The following CTDSPL2 variants were observed in gnomAD, a reference collection of about 807,000 sequenced individuals.
CTDSPL2 encodes CTD small phosphatase like 2, also known as CTD small phosphatase-like protein 2.
In CTDSPL2, 5 loss-of-function variants were observed where a neutral mutation model predicts 60.0. The observed-to-expected ratio is 0.08, with a 90% CI of 0.04 to 0.18. The LOEUF is 0.18. CTDSPL2 is among the 10% of genes least tolerant of loss of function. CTDSPL2 has a pLI of 1.00. For missense variants in CTDSPL2, 370 were observed against 548.8 expected (o/e 0.67, Z 3.26); for synonymous variants, 186 against 189.3 (o/e 0.98, Z 0.14).
intron 1 of CTDSPL2, chr15:44,449,035 T>G (rs2080279529): frequency 9.0e-6 from 3 of 332,290 alleles, no homozygotes; most frequent in South Asian, 5.7e-5. Flanking sequence ...CAGCCAACTT[T>G]GTAATCCTGA....
At chr15:44,516,989 A>G (rs1207615446) in intron 10 of CTDSPL2, 1 of 151,878 alleles carries the variant, frequency 6.6e-6, no homozygotes, top group Non-Finnish European at 1.5e-5. Context: ...GCAGGCGCGC[A>G]TCACCACGCC....
intron 1 of CTDSPL2, among the ~76,000 whole-genome samples, chr15:44,456,664 A>C (rs141643491): frequency 8.0e-4 from 121 of 151,458 alleles, no homozygotes; most frequent in African/African-American, 2.6e-3. Context: ...GCGTCCTGTC[A>C]ATTTTGTTAA....
chr15:44,433,103 T>G (rs977058431), intron 1 of CTDSPL2, among the ~76,000 whole-genome samples: 5 of 151,522 alleles, frequency 3.3e-5, no homozygotes, highest in Non-Finnish European at 5.9e-5. Flanking sequence ...TCCCCTGAGC[T>G]TAGGAGTTCG....
intron 1 of CTDSPL2, among the ~76,000 whole-genome samples, chr15:44,434,224 A>G (rs2079926483): frequency 6.6e-6 from 1 of 151,970 alleles, no homozygotes; most frequent in African/African-American, 2.4e-5. Flanking sequence ...ACATGGCGAA[A>G]CCCCATCTCT....
At chr15:44,504,005 C>G (rs2081418469) in intron 8 of CTDSPL2, 2 of 152,206 alleles carry the variant, frequency 1.3e-5, no homozygotes, top group Non-Finnish European at 2.9e-5. Flanking sequence ...CCCATTCTTT[C>G]AGTTTTCTTG....
chr15:44,444,081 GT>G (rs1413613533), intron 1 of CTDSPL2, among the ~76,000 whole-genome samples: 1 of 151,614 alleles, frequency 6.6e-6, no homozygotes, highest in Non-Finnish European at 1.5e-5. Flanking sequence ...AATTTTTTTA[GT>G]TTTTTAGGGA....
intron 1 of CTDSPL2, among the ~76,000 whole-genome samples, chr15:44,442,004 C>T (rs533852339): frequency 1.3e-5 from 2 of 152,248 alleles, no homozygotes; most frequent in South Asian, 4.1e-4. Flanking sequence ...CCCCAATTAG[C>T]GCTGGATTGC....
At chr15:44,449,803 C>T (rs1227938127) in intron 1 of CTDSPL2, among the ~76,000 whole-genome samples, 1 of 151,926 alleles carries the variant, frequency 6.6e-6, no homozygotes, top group East Asian at 1.9e-4. Context: ...CCAGCCTGGC[C>T]AACATGGCAA....
At chr15:44,503,871 A>G in intron 8 of CTDSPL2, 1 of 152,358 alleles carries the variant, frequency 6.6e-6, no homozygotes, top group Non-Finnish European at 1.5e-5. Context: ...AAGGACAGAT[A>G]GGATCCCTGT....
intron 2 of CTDSPL2, among the ~76,000 whole-genome samples, chr15:44,475,585 GC>G (rs1400412906): frequency 6.7e-6 from 1 of 150,176 alleles, no homozygotes; most frequent in Non-Finnish European, 1.5e-5. Context: ...TTTGCAGTGA[GC>G]TGAGATCATG....
At chr15:44,498,542 T>G (rs1256844040) in intron 7 of CTDSPL2, among the ~76,000 whole-genome samples, 2 of 152,078 alleles carry the variant, frequency 1.3e-5, no homozygotes, top group Non-Finnish European at 2.9e-5. Flanking sequence ...GCTACAATTG[T>G]GCCACTGCAT....
chr15:44,489,097 C>A (rs998580966), intron 4 of CTDSPL2, among the ~76,000 whole-genome samples: 1 of 152,068 alleles, frequency 6.6e-6, no homozygotes, highest in African/African-American at 2.4e-5. Context: ...CCCATACACA[C>A]ACAACCTCTC....
chr15:44,455,428 A>G (rs924241532), intron 1 of CTDSPL2, among the ~76,000 whole-genome samples: 9 of 152,148 alleles, frequency 5.9e-5, no homozygotes, highest in African/African-American at 2.2e-4. Context: ...CTCCTGCCTT[A>G]TTGCCCTGTC....
At chr15:44,435,357 G>T (rs1184179040) in intron 1 of CTDSPL2, among the ~76,000 whole-genome samples, 1 of 151,858 alleles carries the variant, frequency 6.6e-6, no homozygotes, top group African/African-American at 2.4e-5. Flanking sequence ...ATCACCTTAG[G>T]TCAGGAGTTC....
Position 44,526,894 on chromosome 15 carries a change from A to G in CTDSPL2, c.*2720A>G, listed in dbSNP as rs1445030844. On this transcript the variant is annotated 3_prime_UTR_variant, in exon 13 of 13. Transcript: ENST00000260327. Reference sequence around the variant, plus strand: ...GAAAGTGACCTGTATACACATTACAACTCTGGAGTACATATTAAAGTCGTG... The same window carrying G: ...GAAAGTGACCTGTATACACATTACAGCTCTGGAGTACATATTAAAGTCGTG... 2 of 152,524 alleles carry G rather than the reference A, an allele frequency of 1.3e-5. No individual in the cohort carries two copies. The highest frequency in any genetic ancestry group is 2.4e-5 in the African/African-American group (1 of 41,426). The allele number at this position is 152,524 out of a possible 1,614,324, so 9.4% of individuals were successfully genotyped here. A position where few individuals can be genotyped will look rare whatever the true frequency, so the allele number is the denominator to read the frequency against.
intron 2 of CTDSPL2, among the ~76,000 whole-genome samples, chr15:44,470,026 A>C (rs761059824): frequency 3.4e-4 from 48 of 139,962 alleles, no homozygotes; most frequent in Admixed American, 6.3e-4. Flanking sequence ...TGAACCTGGG[A>C]GGCGGAGCTT....
At chr15:44,431,716 G>GTTTTT (rs886785067) in intron 1 of CTDSPL2, among the ~76,000 whole-genome samples, 2 of 133,658 alleles carry the variant, frequency 1.5e-5, no homozygotes, top group Non-Finnish European at 3.2e-5. Context: ...TTGTTTGTTT[G>GTTTTT]TTTTTTTTTT....
At chr15:44,494,574 GGCAACAGA>G (rs1410639046) in intron 5 of CTDSPL2, among the ~76,000 whole-genome samples, 1 of 151,894 alleles carries the variant, frequency 6.6e-6, no homozygotes, top group African/African-American at 2.4e-5. Flanking sequence ...CTCCAGCCTG[GGCAACAGA>G]GCAGGACCCT....
chr15:44,436,796 T>G (rs1206001391), intron 1 of CTDSPL2, among the ~76,000 whole-genome samples: 2 of 152,340 alleles, frequency 1.3e-5, no homozygotes, highest in African/African-American at 4.8e-5. Flanking sequence ...TTTTTGTAAT[T>G]TTCTTTATTT....
Sources: allele counts gnomAD v4.1 joint callset (sites outside exome capture counted in the v4.1 genomes callset), GRCh38; gene constraint gnomAD v4.1.1; transcripts MANE v1.5; gene names NCBI Gene and HGNC (gene_info 2026-07-23, HGNC 2026-07-21).